Variants in TENM4 observed in about 807,000 individuals in gnomAD.
TENM4 encodes the protein teneurin-4.
Under a neutral mutation model 243.3 loss-of-function variants are expected in TENM4, and 82 were observed. That is an observed-to-expected ratio of 0.34 (90% CI 0.28 to 0.40). TENM4 has a LOEUF of 0.40. Ranked by LOEUF, TENM4 falls within the 10% of genes least tolerant of loss-of-function variation. The pLI is 1.00. For missense variants in TENM4, 3,138 were observed against 3,673.3 expected, an observed-to-expected ratio of 0.85 and a Z score of 3.77; for synonymous variants, 1,412 against 1,456.3, an observed-to-expected ratio of 0.97 and a Z score of 0.69.
At position 79,440,171 on chromosome 11, in the gene TENM4, C is replaced by T. The variant is rs1464555484; in HGVS notation, c.-321+338G>A. 6.6e-6 allele frequency among the ~76,000 whole-genome samples: 1 copy of T among 152,066 alleles called. No individual in the cohort carries two copies. The highest frequency in any genetic ancestry group is 2.4e-5 in the African/African-American group (1 of 41,440). ...ACCGGGCCGGGGCGGGGAACGGGATCCGGGAGAGGCAGACGAACCTGGGGC... is the reference window on the plus strand; with the variant it reads ...ACCGGGCCGGGGCGGGGAACGGGATTCGGGAGAGGCAGACGAACCTGGGGC... On this transcript the variant is annotated intron_variant, in intron 1 of 33. Transcript: ENST00000278550. This position sits in a 1 kb window ranked among gnomAD's most constrained non-coding sequence, Gnocchi z 4.7.
chr11:79,358,567 T>C (rs1198709632), intron 1 of TENM4, among the ~76,000 whole-genome samples: 1 of 152,142 alleles, frequency 6.6e-6, no homozygotes, highest in East Asian at 1.9e-4. Context: ...TTCAAAAAAC[T>C]AATGTGGGTA....
At chr11:79,274,444 G>T (rs1458656612) in intron 2 of TENM4, among the ~76,000 whole-genome samples, 1 of 152,178 alleles carries the variant, frequency 6.6e-6, no homozygotes, top group African/African-American at 2.4e-5. Context: ...GATCATCTGA[G>T]GAAGTTTATA....
At chr11:79,340,328 G>C (rs1317060437) in intron 1 of TENM4, among the ~76,000 whole-genome samples, 1 of 152,128 alleles carries the variant, frequency 6.6e-6, no homozygotes, top group Non-Finnish European at 1.5e-5. Flanking sequence ...GGGGTCAGGG[G>C]GAGTCTGGAG....
chr11:78,897,804 G>A (rs1263432303), intron 7 of TENM4, among the ~76,000 whole-genome samples: 1 of 152,202 alleles, frequency 6.6e-6, no homozygotes, highest in Non-Finnish European at 1.5e-5. Context: ...GTGCCATTCT[G>A]GGAACCACAC....
chr11:79,177,645 G>A (rs1863191604), intron 3 of TENM4, among the ~76,000 whole-genome samples: 1 of 152,144 alleles, frequency 6.6e-6, no homozygotes, highest in Non-Finnish European at 1.5e-5. Flanking sequence ...TGGTTAGGGC[G>A]GGAATGTCTC....
chr11:78,819,343 A>G (rs934277833), intron 12 of TENM4, among the ~76,000 whole-genome samples: 2 of 152,198 alleles, frequency 1.3e-5, no homozygotes, highest in Non-Finnish European at 2.9e-5. Context: ...GATGTTGAGG[A>G]AAGTCTGCCC....
chr11:79,205,413 A>G (rs1863832509), intron 3 of TENM4, among the ~76,000 whole-genome samples: 1 of 152,092 alleles, frequency 6.6e-6, no homozygotes, highest in Non-Finnish European at 1.5e-5. Flanking sequence ...ACCACAGTCG[A>G]GATACAGAAC....
chr11:79,055,166 CA>C (rs1436137635), intron 6 of TENM4, among the ~76,000 whole-genome samples: 1 of 151,032 alleles, frequency 6.6e-6, no homozygotes, highest in Non-Finnish European at 1.5e-5. Context: ...AAAAAGTTTA[CA>C]AAATAATACT....
chr11:79,022,818 T>C (rs1388662537), intron 6 of TENM4, among the ~76,000 whole-genome samples: 1 of 152,190 alleles, frequency 6.6e-6, no homozygotes, highest in South Asian at 2.1e-4. Flanking sequence ...AAGATGAAGA[T>C]GGTGATGATG....
intron 6 of TENM4, among the ~76,000 whole-genome samples, chr11:78,922,286 G>A (rs1438040842): frequency 6.6e-6 from 1 of 152,160 alleles, no homozygotes; most frequent in South Asian, 2.1e-4. Flanking sequence ...TAATAGGAGG[G>A]CAGCCTATAC....
intron 9 of TENM4, among the ~76,000 whole-genome samples, chr11:78,868,509 C>T (rs563327277): frequency 6.6e-6 from 1 of 152,178 alleles, no homozygotes; most frequent in African/African-American, 2.4e-5. Flanking sequence ...TCAATCTCAT[C>T]CCAGGGCTGA....
At chr11:78,832,179 C>T in intron 12 of TENM4, among the ~76,000 whole-genome samples, 1 of 152,212 alleles carries the variant, frequency 6.6e-6, no homozygotes, top group African/African-American at 2.4e-5. Flanking sequence ...GATTTTTGTT[C>T]AGTGCCTTTT....
At chr11:79,070,558 A>G (rs962492536) in intron 4 of TENM4, among the ~76,000 whole-genome samples, 1 of 152,202 alleles carries the variant, frequency 6.6e-6, no homozygotes, top group Admixed American at 6.5e-5. Context: ...CTACCAGATG[A>G]TTATATAATT....
At chr11:79,052,130 A>G (rs1292968480) in intron 6 of TENM4, among the ~76,000 whole-genome samples, 5 of 152,216 alleles carry the variant, frequency 3.3e-5, no homozygotes, top group African/African-American at 1.2e-4. Context: ...TCCTTTGGGT[A>G]TATACCCAGT....
chr11:79,160,889 G>C (rs966999583), intron 3 of TENM4, among the ~76,000 whole-genome samples: 2 of 152,148 alleles, frequency 1.3e-5, no homozygotes, highest in African/African-American at 4.8e-5. Flanking sequence ...TTGCAGTGAG[G>C]CATGACTGTC....
intron 18 of TENM4, among the ~76,000 whole-genome samples, chr11:78,765,547 T>C: frequency 6.6e-6 from 1 of 152,208 alleles, no homozygotes; most frequent in South Asian, 2.1e-4. Flanking sequence ...CCAAAAGAGA[T>C]TATCATACCT....
intron 19 of TENM4, among the ~76,000 whole-genome samples, chr11:78,747,878 C>T (rs927056173): frequency 1.2e-4 from 19 of 152,174 alleles, no homozygotes; most frequent in African/African-American, 4.6e-4. Context: ...AGCAGAATTA[C>T]AGTTTATAGT....
At chr11:79,132,054 G>A (rs1401978059) in intron 4 of TENM4, among the ~76,000 whole-genome samples, 3 of 151,864 alleles carry the variant, frequency 2.0e-5, no homozygotes, top group African/African-American at 7.3e-5. Flanking sequence ...ATAGACCTAC[G>A]AAATAAGGCT....
At chr11:79,164,625 C>T (rs939828147) in intron 3 of TENM4, among the ~76,000 whole-genome samples, 1 of 141,934 alleles carries the variant, frequency 7.0e-6, no homozygotes, top group Non-Finnish European at 1.5e-5. Context: ...TGTCCCCACC[C>T]AAATCTCAAC....
Sources: gnomAD v4.1 joint callset for allele counts (sites outside exome capture counted in the v4.1 genomes callset) on GRCh38, gnomAD v4.1.1 for gene constraint, Gnocchi (gnomAD v3.1) non-coding constraint, MANE v1.5 for transcripts, NCBI Gene and HGNC (gene_info 2026-07-23, HGNC 2026-07-21) for gene names.